Variants in LSS observed in about 807,000 individuals in gnomAD.
LSS encodes the protein lanosterol synthase.
Under a neutral mutation model 110.3 loss-of-function variants are expected in LSS, and 90 were observed. That is an observed-to-expected ratio of 0.82 (90% CI 0.69 to 0.97). LSS has a LOEUF of 0.97. Among genes scored for constraint, LSS ranks in the 50% least tolerant of loss-of-function variants. The probability of loss-of-function intolerance (pLI) is 0.00; values close to 1 mark genes in which losing one functional copy is unlikely to be tolerated. For missense variants in LSS, 927 were observed against 990.0 expected (o/e 0.94, Z 0.85); for synonymous variants, 433 against 400.0 (o/e 1.08, Z -0.98).
At chr21:46,221,532 T>C (rs1487772597) in intron 5 of LSS, among the ~76,000 whole-genome samples, 1 of 152,136 alleles carries the variant, frequency 6.6e-6, no homozygotes, top group Non-Finnish European at 1.5e-5. Flanking sequence ...AATATTTTAT[T>C]GTTTTTGTAG....
Position 46,216,302 on chromosome 21 carries a change from G to T in LSS, c.783+87C>A. ...CGCTCCACAGGGCCACCAGGTGAGTGGACAGGTGTGGTTAGATTCCAGAAG... is the reference window on the plus strand; with the variant it reads ...CGCTCCACAGGGCCACCAGGTGAGTTGACAGGTGTGGTTAGATTCCAGAAG... On this transcript the variant is annotated intron_variant, in intron 7 of 21. Transcript: ENST00000397728. The surrounding 1 kb of genome is among the most constrained non-coding windows in gnomAD (Gnocchi z 4.2). 6.5e-7 allele frequency: 1 copy of T among 1,544,716 alleles called. No homozygotes were observed. Among genetic ancestry groups the T allele is most frequent in the Non-Finnish European group, 8.9e-7 (1 of 1,123,524 alleles).
At chr21:46,193,975 C>T (rs983828778) in intron 20 of LSS, among the ~76,000 whole-genome samples, 52 of 149,028 alleles carry the variant, frequency 3.5e-4, no homozygotes, top group Admixed American at 1.5e-3. Context: ...GGCATGCGTA[C>T]GTGTGTGCAT....
rs769523594 is a variant in LSS, at chr21:46,191,242, G to A, written c.2068-7C>T. The stretch of plus-strand genomic sequence containing the variant: ...AGACCCCAGCAATGTTTTCCTAAAA[G>A]AACACAGAGAAATAAACACAAAGGC... On this transcript the variant is annotated splice_region_variant and splice_polypyrimidine_tract_variant and intron_variant, in intron 21 of 21. Transcript: ENST00000397728. 1.1e-5 allele frequency: 17 copies of A among 1,614,008 alleles called. No individual in the cohort carries two copies. The highest frequency in any genetic ancestry group is 4.0e-5 in the African/African-American group (3 of 75,054).
chr21:46,204,270 C>G (rs142445408), intron 17 of LSS, among the ~76,000 whole-genome samples: 30 of 152,094 alleles, frequency 2.0e-4, no homozygotes, highest in African/African-American at 6.5e-4. Flanking sequence ...TCCCCAACCT[C>G]AGCAACAGAG....
At chr21:46,196,312 G>C in intron 17 of LSS, 45 bp from the exon 18 acceptor site, 12 of 1,475,808 alleles carry the variant, frequency 8.1e-6, no homozygotes, top group Non-Finnish European at 1.1e-5. Flanking sequence ...TAAAACAGCA[G>C]TTTACCTATC....
Position 46,228,563 on chromosome 21 carries a change from C to A in LSS, c.51G>T (p.Glu17Asp). Reference protein sequence around the residue: ...LRRRGGPYKTEPATDLGRWRL... With the variant: ...LRRRGGPYKTDPATDLGRWRL... ...GCCAGCGGCCGAGGTCGGTGGCGGG[C>A]TCGGTCTTGTAGGGGCCCCCTCGGC... The change falls in exon 2 of 22, where the codon GAG (glutamate) becomes GAT (aspartate). Residue 17 changes from glutamate (E) to aspartate (D), a missense_variant. Physicochemically the swap from Glu to Asp is conservative, Grantham distance 45. Coordinates refer to ENST00000397728, the MANE Select transcript of LSS (RefSeq NM_002340.6). The A allele has an allele frequency of 1.0e-5, 16 of 1,595,128 alleles. No homozygotes were observed. Among genetic ancestry groups the A allele is most frequent in the African/African-American group, 1.3e-5 (1 of 74,846 alleles).
chr21:46,215,730 C>T lies in LSS; in HGVS notation c.847G>A (p.Asp283Asn), dbSNP rs774945966. ...CAGCTGTGCGGCGTGTACAGCTCGT[C>T]GGGGGCCACGTTGTTCCTCTGCGCC... ...WLAQRNNVAP[D>N]ELYTPHSWLL... The change falls in exon 8 of 22, where the codon GAC becomes AAC. Residue 283 changes from aspartate (D) to asparagine (N), a missense_variant. Physicochemically the swap from Asp to Asn is conservative, Grantham distance 23. Transcript: ENST00000397728. 84 of 1,612,640 alleles carry T rather than the reference C, an allele frequency of 5.2e-5. No homozygotes were observed. In the East Asian group the frequency reaches 6.9e-4, roughly 13 times the overall value.
intron 12 of LSS, 83 bp downstream of exon 12, chr21:46,210,605 G>A: frequency 1.5e-6 from 2 of 1,338,028 alleles, no homozygotes; most frequent in Non-Finnish European, 1.1e-6. Context: ...TGTGTGGCCA[G>A]CAGTGCTGCC....
At chr21:46,193,866 C>T (rs1236821574) in intron 20 of LSS, 1 of 425,152 alleles carries the variant, frequency 2.4e-6, no homozygotes, top group African/African-American at 2.1e-5. Context: ...TGTGCACAGA[C>T]CTGTGTGTGC....
chr21:46,217,140 G>A (rs575010926), intron 6 of LSS, among the ~76,000 whole-genome samples: 193 of 151,644 alleles, frequency 1.3e-3, no homozygotes, highest in African/African-American at 4.3e-3. Context: ...CCAGCTACTC[G>A]GGAGGCTGAG....
chr21:46,200,897 C>T, intron 17 of LSS, among the ~76,000 whole-genome samples: 1 of 152,214 alleles, frequency 6.6e-6, no homozygotes, highest in East Asian at 1.9e-4. Flanking sequence ...CAAAAGAATA[C>T]ACCTGCTAAG....
chr21:46,192,986 ATG>A, intron 20 of LSS: 1 of 415,308 alleles, frequency 2.4e-6, no homozygotes, highest in Non-Finnish European at 4.8e-6. Flanking sequence ...GTGCATCTGC[ATG>A]TGTGTACACA....
At chr21:46,205,217 C>T (rs144990354) in intron 17 of LSS, among the ~76,000 whole-genome samples, 1 of 152,318 alleles carries the variant, frequency 6.6e-6, no homozygotes, top group Non-Finnish European at 1.5e-5. Flanking sequence ...AGCTGGATAG[C>T]GCGGCATCTG....
chr21:46,207,407 C>A lies in LSS; in HGVS notation c.1467+21G>T, dbSNP rs762086292. ...TGCAGGACACGAGGTATGGACGGGGCTGCTGGGACCACAGCCTTACCACAG... is the reference window on the plus strand; with the variant it reads ...TGCAGGACACGAGGTATGGACGGGGATGCTGGGACCACAGCCTTACCACAG... On this transcript the variant is annotated intron_variant, in intron 15 of 21. Transcript: ENST00000397728. The A allele has an allele frequency of 1.9e-6, 3 of 1,609,484 alleles. No homozygotes were observed. The Admixed American group carries it at 5.0e-5, about 27-fold the overall frequency.
chr21:46,205,548 A>C (rs192715624), intron 17 of LSS, among the ~76,000 whole-genome samples: 1 of 152,240 alleles, frequency 6.6e-6, no homozygotes, highest in East Asian at 1.9e-4. Flanking sequence ...TTACTTAAAA[A>C]CCGTTTCTGG....
chr21:46,207,423 C>T lies in LSS; in HGVS notation c.1467+5G>A. The T allele has an allele frequency of 6.2e-7, 1 of 1,611,538 alleles. No homozygotes were observed. The highest frequency in any genetic ancestry group is 1.7e-5 in the Admixed American group (1 of 59,802). ...TGGACGGGGCTGCTGGGACCACAGC[C>T]TTACCACAGCCACAGCATCGCAGAG... On this transcript the variant is annotated splice_donor_5th_base_variant and intron_variant, in intron 15 of 21. Transcript: ENST00000397728.
At chr21:46,194,344 G>C (rs961941216) in intron 20 of LSS, 147 bp downstream of exon 20, 3 of 932,416 alleles carry the variant, frequency 3.2e-6, no homozygotes, top group Non-Finnish European at 1.6e-6. Flanking sequence ...TGTGGCTCTT[G>C]TAGGTGTCTG....
chr21:46,218,708 T>TA (rs2080237797), intron 6 of LSS, among the ~76,000 whole-genome samples: 1 of 149,860 alleles, frequency 6.7e-6, no homozygotes, highest in South Asian at 2.1e-4. Context: ...TGGTTCTGTT[T>TA]AAAAAAACAA....
intron 9 of LSS, among the ~76,000 whole-genome samples, chr21:46,214,887 G>A (rs1260031948): frequency 6.6e-6 from 1 of 152,152 alleles, no homozygotes; most frequent in African/African-American, 2.4e-5. Flanking sequence ...CAGCTAGCCA[G>A]CAAGATCTCA....
Sources: allele counts gnomAD v4.1 joint callset (sites outside exome capture counted in the v4.1 genomes callset), GRCh38; gene constraint gnomAD v4.1.1; non-coding constraint Gnocchi (gnomAD v3.1); transcripts MANE v1.5; gene names NCBI Gene and HGNC (gene_info 2026-07-23, HGNC 2026-07-21).